Variants in BTD observed in about 807,000 individuals in gnomAD.
BTD encodes the protein biotinidase.
Under a neutral mutation model 17.7 loss-of-function variants are expected in BTD, and 13 were observed. That is an observed-to-expected ratio of 0.74 (90% CI 0.48 to 1.17). The LOEUF (loss-of-function observed/expected upper bound fraction) is 1.17, where lower values mean the gene tolerates loss of function less well. Among genes scored for constraint, BTD ranks in the 50% most tolerant of loss-of-function variants. The pLI is 0.00. For synonymous variants in BTD, 240 were observed against 245.2 expected (o/e 0.98, Z 0.20); for missense variants, 674 against 650.4 (o/e 1.04, Z -0.39).
chr3:15,656,400 A>C (rs1455485130), downstream of BTD, among the ~76,000 whole-genome samples: 3 of 152,188 alleles, frequency 2.0e-5, no homozygotes, highest in Non-Finnish European at 4.4e-5. Flanking sequence ...CCAAGTAGCC[A>C]GTCAGGTCAG....
At chr3:15,643,478 G>A (rs2065592297) in intron 3 of BTD, among the ~76,000 whole-genome samples, 1 of 152,126 alleles carries the variant, frequency 6.6e-6, no homozygotes, top group Non-Finnish European at 1.5e-5. Context: ...TCCAGCCTGG[G>A]CGACAGAGCC....
At chr3:15,714,911 T>C (rs966212543), downstream of BTD, among the ~76,000 whole-genome samples, 2 of 152,182 alleles carry the variant, frequency 1.3e-5, no homozygotes, top group Admixed American at 6.5e-5. Flanking sequence ...AGTAAGGATG[T>C]GTCTCCCAAG....
intron 3 of BTD, among the ~76,000 whole-genome samples, chr3:15,662,858 T>TG (rs1014005228): frequency 3.3e-5 from 5 of 151,084 alleles, no homozygotes; most frequent in African/African-American, 1.2e-4. Context: ...TGGAGGTTTT[T>TG]TTTTTTTTTT....
intron 1 of BTD, among the ~76,000 whole-genome samples, chr3:15,632,398 C>T (rs1033420603): frequency 5.3e-5 from 8 of 152,142 alleles, no homozygotes; most frequent in African/African-American, 1.9e-4. Context: ...TTCTGCTGTT[C>T]CCTGGAAGTG....
rs764770052 is a variant in BTD, at chr3:15,645,018, G to A, written c.1102G>A (p.Val368Met). The A allele has an allele frequency of 2.2e-5, 35 of 1,614,074 alleles. No individual in the cohort carries two copies. The Admixed American group carries it at 3.2e-4, about 15-fold the overall frequency. ...CTGTGATGAGGCCACCAAGTGGAACGTGAATGCTCCTCCCACATTTCACTC... is the reference window on the plus strand; with the variant it reads ...CTGTGATGAGGCCACCAAGTGGAACATGAATGCTCCTCCCACATTTCACTC... ...VHCDEATKWNVNAPPTFHSEM... is the reference protein window; with the variant it reads ...VHCDEATKWNMNAPPTFHSEM... The change falls in exon 4 of 4, where the codon GTG (valine) becomes ATG (methionine). Residue 368 changes from valine to methionine, a missense_variant. Physicochemically the swap from Val to Met is conservative, Grantham distance 21. Transcript: ENST00000643237.
At position 15,646,935 on chromosome 3, in the gene BTD, A is replaced by G. The variant is rs2125512787; in HGVS notation, c.*1447A>G. On this transcript the variant is annotated 3_prime_UTR_variant, in exon 4 of 4. Coordinates refer to ENST00000643237, the MANE Select transcript of BTD (RefSeq NM_001370658.1). ...TGCATGGCCTCACCATTAACTCCTC[A>G]CTGGGGAGACCTTGGGCCTCGGTTT... 1 of 152,256 alleles carries G rather than the reference A, an allele frequency of 6.6e-6. No homozygotes were observed. The highest frequency in any genetic ancestry group is 2.4e-5 in the African/African-American group (1 of 41,542). The allele number at this position is 152,256 out of a possible 1,614,324, so 9.4% of individuals were successfully genotyped here. A position where few individuals can be genotyped will look rare whatever the true frequency, so the allele number is the denominator to read the frequency against.
intron 3 of BTD, among the ~76,000 whole-genome samples, chr3:15,704,017 C>T (rs1575259526): frequency 6.6e-6 from 1 of 152,236 alleles, no homozygotes; most frequent in East Asian, 1.9e-4. Context: ...CAGCCCTCAA[C>T]CTTTCCTTCT....
intron 1 of BTD, among the ~76,000 whole-genome samples, chr3:15,612,329 T>C (rs1055014747): frequency 6.6e-6 from 1 of 152,220 alleles, no homozygotes; most frequent in African/African-American, 2.4e-5. Flanking sequence ...TGAGTTCTTA[T>C]ATTTTCATAC....
At chr3:15,688,961 C>T (rs550479140) in intron 3 of BTD, among the ~76,000 whole-genome samples, 34 of 152,320 alleles carry the variant, frequency 2.2e-4, no homozygotes, top group Middle Eastern at 3.4e-3. Context: ...AAAATAACTT[C>T]TACCAGAAAG....
chr3:15,609,168 A>G (rs2064544098), intron 1 of BTD, among the ~76,000 whole-genome samples: 1 of 152,104 alleles, frequency 6.6e-6, no homozygotes, highest in Non-Finnish European at 1.5e-5. Flanking sequence ...TTTCACTTCA[A>G]AAAAAATACA....
At position 15,645,764 on chromosome 3, in the gene BTD, C is replaced by A; in HGVS notation, c.*276C>A. The A allele has an allele frequency of 2.4e-6, 1 of 416,970 alleles. No individual in the cohort carries two copies. The highest frequency in any genetic ancestry group is 4.0e-5 in the Admixed American group (1 of 24,696). 25.8% of individuals were successfully genotyped at this position (416,970 alleles called of 1,614,324 possible). A position where few individuals can be genotyped will look rare whatever the true frequency, so the allele number is the denominator to read the frequency against. ...TTCCTCTAACAAATCTCTCAGTATG[C>A]GATTGGTCTCAAGCTAAAACAAAAA... On this transcript the variant is annotated 3_prime_UTR_variant, in exon 4 of 4. Transcript: ENST00000643237.
chr3:15,614,727 G>C (rs1383697392), intron 1 of BTD, among the ~76,000 whole-genome samples: 1 of 151,392 alleles, frequency 6.6e-6, no homozygotes, highest in Non-Finnish European at 1.5e-5. Flanking sequence ...CACCCAAGTA[G>C]CTGGGACTAC....
At chr3:15,605,410 C>T (rs961101484) in intron 1 of BTD, among the ~76,000 whole-genome samples, 5 of 152,144 alleles carry the variant, frequency 3.3e-5, no homozygotes, top group Non-Finnish European at 7.3e-5. Flanking sequence ...AGGTACCGCT[C>T]ATGATATGTA....
intron 3 of BTD, chr3:15,686,500 T>C: frequency 1.7e-6 from 1 of 594,310 alleles, no homozygotes; most frequent in Non-Finnish European, 3.0e-6. Flanking sequence ...AAATGTGAAT[T>C]CCTCACAGTA....
intron 2 of BTD, among the ~76,000 whole-genome samples, chr3:15,638,851 T>G (rs924258351): frequency 6.6e-6 from 1 of 152,218 alleles, no homozygotes; most frequent in Non-Finnish European, 1.5e-5. Flanking sequence ...CTGTAGGCAG[T>G]TGTAACAAGT....
At chr3:15,671,215 A>G (rs922587584) in intron 3 of BTD, among the ~76,000 whole-genome samples, 1 of 152,166 alleles carries the variant, frequency 6.6e-6, no homozygotes, top group Non-Finnish European at 1.5e-5. Flanking sequence ...CCTTTTTTTA[A>G]GCGGAAGACA....
intron 3 of BTD, among the ~76,000 whole-genome samples, chr3:15,670,738 C>T (rs1456129675): frequency 1.3e-5 from 2 of 152,112 alleles, no homozygotes; most frequent in Non-Finnish European, 2.9e-5. Flanking sequence ...GCCATAGAAA[C>T]CTAGGGTGGA....
At position 15,644,423 on chromosome 3, in the gene BTD, T is replaced by C; in HGVS notation, c.507T>C (p.Asp169=). Residue 169 remains aspartate (D), a synonymous_variant, in exon 4 of 4, where the codon GAT becomes GAC. Transcript: ENST00000643237. ...GCAGTGACCCAAGGTGCCCAAAAGA[T>C]GGGAGATACCAGTTCAACACAAATG... The part of the protein sequence containing the change: ...CHSSDPRCPK[D]GRYQFNTNVV... 5 of 1,614,156 alleles carry C rather than the reference T, an allele frequency of 3.1e-6. No homozygotes were observed. Among genetic ancestry groups the C allele is most frequent in the Non-Finnish European group, 4.2e-6 (5 of 1,180,030 alleles).
intron 3 of BTD, 54 bp from the exon 4 acceptor site, chr3:15,644,262 A>C: frequency 1.3e-6 from 2 of 1,550,790 alleles, no homozygotes; most frequent in South Asian, 1.2e-5. Context: ...AGCCTCCCAC[A>C]GTGCTGGGAT....
Sources: allele counts gnomAD v4.1 joint callset (sites outside exome capture counted in the v4.1 genomes callset), GRCh38; gene constraint gnomAD v4.1.1; transcripts MANE v1.5; gene names NCBI Gene and HGNC (gene_info 2026-07-23, HGNC 2026-07-21).